PLCB1: variants seen among roughly 807,000 people sequenced by gnomAD.
The protein encoded by PLCB1 is 1-phosphatidylinositol 4,5-bisphosphate phosphodiesterase beta-1.
Under a neutral mutation model 161.8 loss-of-function variants are expected in PLCB1, and 46 were observed. The observed-to-expected ratio is 0.28, with a 90% confidence interval of 0.22 to 0.36. The LOEUF (loss-of-function observed/expected upper bound fraction) is 0.36. PLCB1 is among the 10% of genes least tolerant of loss of function. The pLI is 1.00. For missense variants in PLCB1, 1,016 were observed against 1,472.5 expected (o/e 0.69, Z 5.07); for synonymous variants, 517 against 503.7 (o/e 1.03, Z -0.35).
At chr20:8,802,179 A>G in intron 31 of PLCB1, 1 of 1,505,822 alleles carries the variant, frequency 6.6e-7, no homozygotes, top group Non-Finnish European at 9.2e-7. Context: ...GCCAGGTAGG[A>G]CTGGATGGGA....
chr20:8,436,580 C>T (rs1232551673), intron 3 of PLCB1, among the ~76,000 whole-genome samples: 3 of 151,704 alleles, frequency 2.0e-5, no homozygotes, highest in East Asian at 1.9e-4. Flanking sequence ...CTCTGTCTCT[C>T]CTCATTTTAT....
rs940669787 is a variant in PLCB1 at position 8,881,476 on chromosome 20, A to G, written c.3424-146A>G. Reference sequence around the variant, plus strand: ...GATGTGTCCAACTAAACTTTGTTACATCTCCTCTATAGGTGACCAGTGAAT... The same window carrying G: ...GATGTGTCCAACTAAACTTTGTTACGTCTCCTCTATAGGTGACCAGTGAAT... On this transcript the variant is annotated intron_variant, in intron 31 of 31. Coordinates refer to ENST00000338037, the MANE Select transcript of PLCB1 (RefSeq NM_015192.4). The G allele has an allele frequency of 1.2e-5, 8 of 671,298 alleles. No homozygotes were observed. The Admixed American group carries it at 1.9e-4, about 16-fold the overall frequency. The allele number at this position is 671,298 out of a possible 1,614,324, so 41.6% of individuals were successfully genotyped here.
intron 2 of PLCB1, among the ~76,000 whole-genome samples, chr20:8,261,206 T>G (rs1981675963): frequency 1.3e-5 from 2 of 152,118 alleles, no homozygotes; most frequent in Non-Finnish European, 2.9e-5. Flanking sequence ...GCTCTACATT[T>G]AGGGAACCAA....
At chr20:8,225,433 C>A (rs1369640870) in intron 2 of PLCB1, among the ~76,000 whole-genome samples, 1 of 152,080 alleles carries the variant, frequency 6.6e-6, no homozygotes, top group African/African-American at 2.4e-5. Flanking sequence ...TGTGAAGAAA[C>A]AAACATCTTG....
intron 31 of PLCB1, among the ~76,000 whole-genome samples, chr20:8,869,212 T>C (rs908463000): frequency 2.0e-5 from 3 of 152,186 alleles, no homozygotes; most frequent in African/African-American, 7.2e-5. Context: ...TATTATACTT[T>C]AAGTTTTAGG....
intron 3 of PLCB1, among the ~76,000 whole-genome samples, chr20:8,521,590 G>T (rs979366766): frequency 9.2e-5 from 14 of 152,028 alleles, no homozygotes; most frequent in Admixed American, 5.9e-4. Flanking sequence ...CTTCCTCCCA[G>T]TTACTTGGGA....
chr20:8,235,084 G>C (rs1171419728), intron 2 of PLCB1, among the ~76,000 whole-genome samples: 1 of 151,942 alleles, frequency 6.6e-6, no homozygotes, highest in Non-Finnish European at 1.5e-5. Context: ...CTTCCTTCTG[G>C]GTTAAACTGT....
At chr20:8,832,463 T>C (rs1454449554) in intron 31 of PLCB1, among the ~76,000 whole-genome samples, 1 of 152,194 alleles carries the variant, frequency 6.6e-6, no homozygotes, top group African/African-American at 2.4e-5. Flanking sequence ...GAGACTAGCA[T>C]CAGGAAAAAC....
chr20:8,509,947 C>A (rs1382990608), intron 3 of PLCB1, among the ~76,000 whole-genome samples: 1 of 152,064 alleles, frequency 6.6e-6, no homozygotes. Context: ...TTTCTTTTGG[C>A]CTTAATTATA....
At chr20:8,852,803 G>A (rs940503324) in intron 31 of PLCB1, among the ~76,000 whole-genome samples, 5 of 152,180 alleles carry the variant, frequency 3.3e-5, no homozygotes, top group African/African-American at 9.7e-5. Context: ...CCTCACCAAT[G>A]CTAGATCCTA....
rs199939185 is a variant in PLCB1 at position 8,527,868 on chromosome 20, A to AG, written c.247-100426_247-100425insG. Among the ~76,000 whole-genome samples, 80 of 152,238 alleles carry AG rather than the reference A, an allele frequency of 5.3e-4. 1 individual carries two copies. In the East Asian group the frequency reaches 0.013, roughly 25 times the overall value. On this transcript the variant is annotated intron_variant, in intron 3 of 31. Transcript: ENST00000338037. Reference sequence around the variant, plus strand: ...ACCTTTGGGAAATTAAAAAGTCATAACAGTGCTCAGTAATCCCACCCCTAG... The same window carrying AG: ...ACCTTTGGGAAATTAAAAAGTCATAAGCAGTGCTCAGTAATCCCACCCCTAG...
intron 2 of PLCB1, among the ~76,000 whole-genome samples, chr20:8,352,446 T>A (rs548962413): frequency 5.3e-5 from 8 of 152,246 alleles, no homozygotes; most frequent in African/African-American, 1.4e-4. Context: ...ATTAATATAC[T>A]GTGTACTTTG....
chr20:8,750,815 G>A, intron 23 of PLCB1: 2 of 1,361,818 alleles, frequency 1.5e-6, no homozygotes, highest in Non-Finnish European at 2.0e-6. Context: ...GTGGATTTCT[G>A]CATGATGAAA....
intron 2 of PLCB1, among the ~76,000 whole-genome samples, chr20:8,265,590 A>C (rs889957030): frequency 6.6e-6 from 1 of 152,160 alleles, no homozygotes. Flanking sequence ...CTGCATCTCA[A>C]ATTTATATCT....
intron 2 of PLCB1, among the ~76,000 whole-genome samples, chr20:8,322,269 T>A (rs1467639145): frequency 6.6e-6 from 1 of 152,164 alleles, no homozygotes; most frequent in Non-Finnish European, 1.5e-5. Context: ...GGGAGGACTT[T>A]ATAGAAGACA....
In PLCB1 at chr20:8,495,388, C is replaced by CTTTTTTTTTTTTTTTT. The variant is rs869173548; in HGVS notation, c.246+123950_246+123965dup. On this transcript the variant is annotated intron_variant, in intron 3 of 31. Transcript: ENST00000338037. ...TGTGGACTTTGCCTTACCTTCCTTTCTTTTTTTTTTTTTTTTTTTTTTTTT... is the reference window on the plus strand; with the variant it reads ...TGTGGACTTTGCCTTACCTTCCTTTCTTTTTTTTTTTTTTTTTTTTTTTTTTTTTTTTTTTTTTTTT... Among the ~76,000 whole-genome samples, 17 of 94,366 alleles carry CTTTTTTTTTTTTTTTT rather than the reference C, an allele frequency of 1.8e-4. 2 individuals carry two copies. Among genetic ancestry groups the CTTTTTTTTTTTTTTTT allele is most frequent in the African/African-American group, 7.2e-4 (16 of 22,228 alleles). The allele number at this position is 94,366 out of a possible 152,430, so 61.9% of individuals were successfully genotyped here. A position where few individuals can be genotyped will look rare whatever the true frequency, so the allele number is the denominator to read the frequency against.
At position 8,685,191 on chromosome 20, in the gene PLCB1, CCTCTGAGAACTCTGGGGTTCCACCACTA is replaced by C. The variant is rs1196414707; in HGVS notation, c.1009+114_1009+141del. 3.0e-6 allele frequency: 3 copies of C among 995,252 alleles called. No homozygotes were observed. In the East Asian group the frequency reaches 7.2e-5, roughly 24 times the overall value. 61.7% of individuals were successfully genotyped at this position (995,252 alleles called of 1,614,324 possible). A position where few individuals can be genotyped will look rare whatever the true frequency, so the allele number is the denominator to read the frequency against. Reference sequence around the variant, plus strand: ...GTTTTCTTCCATTTCCTGCGAAGTGCCTCTGAGAACTCTGGGGTTCCACCACTAAAGCCTCCCGCCTCCCATAAGCAGT... The same window carrying C: ...GTTTTCTTCCATTTCCTGCGAAGTGCAAGCCTCCCGCCTCCCATAAGCAGT... On this transcript the variant is annotated intron_variant, in intron 10 of 31. Coordinates refer to ENST00000338037, the MANE Select transcript of PLCB1 (RefSeq NM_015192.4).
In PLCB1 at chr20:8,568,576, T is replaced by C. The variant is rs1348627836; in HGVS notation, c.247-59718T>C. Among the ~76,000 whole-genome samples the C allele has an allele frequency of 2.0e-5, 3 of 152,172 alleles. No individual in the cohort carries two copies. In the South Asian group the frequency reaches 6.2e-4, roughly 31 times the overall value. ...TATTTTTGCTCCCTTTTATTGAAAG[T>C]GTTTTAAGAGTTTTAAAAGACCAGT... On this transcript the variant is annotated intron_variant, in intron 3 of 31. Transcript: ENST00000338037.
At chr20:8,357,232 C>A (rs1395896025) in intron 2 of PLCB1, among the ~76,000 whole-genome samples, 1 of 152,134 alleles carries the variant, frequency 6.6e-6, no homozygotes, top group Non-Finnish European at 1.5e-5. Flanking sequence ...CATAACATTA[C>A]AAATTGTGGA....
Sources: allele counts gnomAD v4.1 joint callset (sites outside exome capture counted in the v4.1 genomes callset), GRCh38; gene constraint gnomAD v4.1.1; transcripts MANE v1.5; gene names NCBI Gene and HGNC (gene_info 2026-07-23, HGNC 2026-07-21).